ANXA11: variants seen among roughly 807,000 people sequenced by gnomAD.
ANXA11 encodes 56 kDa autoantigen.
A neutral mutation model predicts 64.7 loss-of-function variants in ANXA11; 57 were observed. The ratio of observed to expected loss-of-function variants is 0.88; its 90% CI spans 0.71 to 1.10. ANXA11 has a LOEUF of 1.10. Ranked by LOEUF, ANXA11 falls within the 50% of genes least tolerant of loss-of-function variation. The pLI is 0.00. For synonymous variants in ANXA11, 260 were observed against 265.2 expected (o/e 0.98, Z 0.19); for missense variants, 675 against 670.7 (o/e 1.01, Z -0.07).
At chr10:80,165,417 C>T (rs890054650) in intron 8 of ANXA11, among the ~76,000 whole-genome samples, 3 of 152,164 alleles carry the variant, frequency 2.0e-5, no homozygotes, top group Non-Finnish European at 4.4e-5. Context: ...AGTCAAAACC[C>T]GCAGGACTGG....
intron 3 of ANXA11, chr10:80,171,389 G>A (rs1287465804): frequency 2.2e-6 from 1 of 446,566 alleles, no homozygotes; most frequent in Non-Finnish European, 3.0e-6. Flanking sequence ...GGGAGAAGCA[G>A]GATAAGAGGC....
intron 15 of ANXA11, among the ~76,000 whole-genome samples, chr10:80,156,167 A>G (rs1025449735): frequency 6.6e-6 from 1 of 152,228 alleles, no homozygotes; most frequent in Non-Finnish European, 1.5e-5. Flanking sequence ...ACAAAAAAAA[A>G]TTATAATCAT....
In ANXA11 at chr10:80,157,762, C is replaced by G. The variant is rs1207785135; in HGVS notation, c.1337G>C (p.Gly446Ala). Reference protein sequence around the residue: ...FAERLNKAMRGAGTKDRTLIR... With the variant: ...FAERLNKAMRAAGTKDRTLIR... ...CAGGGTCCGGTCCTTTGTTCCTGCC[C>G]CCTAAAGAGAGTCCACCCAAGAGCA... is the stretch of plus-strand genomic sequence containing the variant. The change falls in exon 15 of 16, where the codon GGG becomes GCG. Residue 446 changes from glycine to alanine, a missense_variant and splice_region_variant. Transcript: ENST00000422982. The G allele has an allele frequency of 6.2e-7, 1 of 1,612,758 alleles. No individual in the cohort carries two copies. The highest frequency in any genetic ancestry group is 8.5e-7 in the Non-Finnish European group (1 of 1,179,208).
At chr10:80,158,059 C>T in intron 13 of ANXA11, 34 bp from the exon 14 acceptor site, 1 of 1,607,936 alleles carries the variant, frequency 6.2e-7, no homozygotes, top group South Asian at 1.1e-5. Context: ...ACCAGATCTG[C>T]AGAAAATTCT....
At chr10:80,170,625 G>A (rs760655783) in intron 4 of ANXA11, among the ~76,000 whole-genome samples, 175 bp downstream of exon 4, 2 of 152,220 alleles carry the variant, frequency 1.3e-5, no homozygotes, top group African/African-American at 2.4e-5. Context: ...GAGAGGGGCA[G>A]AGAGCAGGTG....
intron 1 of ANXA11, among the ~76,000 whole-genome samples, chr10:80,196,481 C>T (rs1468823255): frequency 6.6e-6 from 1 of 152,170 alleles, no homozygotes; most frequent in Non-Finnish European, 1.5e-5. Context: ...ATTACGTAGG[C>T]CCCAGGAATT....
chr10:80,203,063 AAAGAC>A (rs1210510313), intron 1 of ANXA11, among the ~76,000 whole-genome samples: 6 of 151,546 alleles, frequency 4.0e-5, no homozygotes, highest in African/African-American at 1.5e-4. Context: ...AAAAAAAAAA[AAAGAC>A]AGCAGAAGAA....
chr10:80,185,197 T>C (rs1408761826), intron 1 of ANXA11, among the ~76,000 whole-genome samples: 4 of 152,230 alleles, frequency 2.6e-5, no homozygotes, highest in Admixed American at 1.3e-4. Flanking sequence ...ACTATAAGTC[T>C]GTTTGCTTCT....
At chr10:80,170,379 T>A (rs982229482) in intron 4 of ANXA11, among the ~76,000 whole-genome samples, 11 of 152,212 alleles carry the variant, frequency 7.2e-5, no homozygotes, top group African/African-American at 2.7e-4. Context: ...AAAAGTAGCA[T>A]GTCTGCCCAA....
rs556265701 is a variant in ANXA11 at position 80,166,139 on chromosome 10, G to A, written c.803C>T (p.Ala268Val). The A allele has an allele frequency of 1.9e-6, 3 of 1,613,444 alleles. No homozygotes were observed. In the South Asian group the frequency reaches 3.3e-5, roughly 18 times the overall value. ...AAAGAGGACTGGGGTCTTCATCAGA[G>A]CCAAGATTGTCTTCTCAAAGTTTCC... Reference protein sequence around the residue: ...LSGNFEKTILALMKTPVLFDI... With the variant: ...LSGNFEKTILVLMKTPVLFDI... Residue 268 changes from alanine (A) to valine (V), a missense_variant, in exon 8 of 16, where the codon GCT becomes GTT. Physicochemically the swap from Ala to Val is moderately conservative, Grantham distance 64. Transcript: ENST00000422982.
intron 13 of ANXA11, among the ~76,000 whole-genome samples, chr10:80,158,425 G>A (rs1047731933): frequency 1.3e-5 from 2 of 152,132 alleles, no homozygotes; most frequent in African/African-American, 4.8e-5. Context: ...AGTGGAATGT[G>A]CATCTCCCTA....
intron 1 of ANXA11, among the ~76,000 whole-genome samples, chr10:80,200,062 G>C (rs570945170): frequency 2.0e-5 from 3 of 152,312 alleles, no homozygotes; most frequent in Admixed American, 6.5e-5. Flanking sequence ...TACAGGAAGG[G>C]GCAGGAATTG....
chr10:80,186,464 G>A (rs1300374129), intron 1 of ANXA11, among the ~76,000 whole-genome samples: 3 of 152,138 alleles, frequency 2.0e-5, no homozygotes, highest in Admixed American at 6.6e-5. Context: ...TCCCCTCCAC[G>A]TGCCTGGGTG....
chr10:80,160,285 T>C (rs1429856652), intron 12 of ANXA11, among the ~76,000 whole-genome samples: 1 of 152,226 alleles, frequency 6.6e-6, no homozygotes, highest in African/African-American at 2.4e-5. Flanking sequence ...GAAAATGCTT[T>C]CACTCAGGCT....
At chr10:80,163,474 G>GA in intron 10 of ANXA11, 60 bp downstream of exon 10, 1 of 1,609,478 alleles carries the variant, frequency 6.2e-7, no homozygotes, top group Non-Finnish European at 8.5e-7. Context: ...TCATTGCGGG[G>GA]ATCCCATCTC....
intron 1 of ANXA11, among the ~76,000 whole-genome samples, chr10:80,181,619 TAAAA>T (rs1209124170): frequency 1.3e-5 from 2 of 152,102 alleles, no homozygotes; most frequent in Admixed American, 1.3e-4. Flanking sequence ...CCTTACGATT[TAAAA>T]AATAGGCAAA....
At chr10:80,180,682 T>G (rs758553831) in intron 1 of ANXA11, among the ~76,000 whole-genome samples, 2 of 151,766 alleles carry the variant, frequency 1.3e-5, no homozygotes, top group Non-Finnish European at 2.9e-5. Flanking sequence ...TAACCTGTTT[T>G]TACACACACA....
Position 80,157,948 on chromosome 10 carries a change from G to C in ANXA11, c.1335+19C>G. The C allele has an allele frequency of 6.2e-7, 1 of 1,612,678 alleles. No homozygotes were observed. Among genetic ancestry groups the C allele is most frequent in the Admixed American group, 1.7e-5 (1 of 60,012 alleles). Reference sequence around the variant, plus strand: ...CGAGGCTAAGGTTCCATCGCAACCTGCACATGGAAGTTACATACCCTCATG... The same window carrying C: ...CGAGGCTAAGGTTCCATCGCAACCTCCACATGGAAGTTACATACCCTCATG... On this transcript the variant is annotated intron_variant, in intron 14 of 15. Transcript: ENST00000422982.
intron 1 of ANXA11, among the ~76,000 whole-genome samples, chr10:80,201,993 A>C (rs1840446261): frequency 6.6e-6 from 1 of 152,168 alleles, no homozygotes; most frequent in Admixed American, 6.5e-5. Context: ...GCGGAGCCTA[A>C]GCCCCTGGAA....
Sources: allele counts gnomAD v4.1 joint callset (sites outside exome capture counted in the v4.1 genomes callset), GRCh38; gene constraint gnomAD v4.1.1; transcripts MANE v1.5; gene names NCBI Gene and HGNC (gene_info 2026-07-23, HGNC 2026-07-21).